The following NCOR2 variants were observed in gnomAD, a reference collection of about 807,000 sequenced individuals.
NCOR2 encodes nuclear receptor corepressor 2.
Under a neutral mutation model 262.9 loss-of-function variants are expected in NCOR2, and 81 were observed. That is an observed-to-expected ratio of 0.31 (90% CI 0.26 to 0.37). NCOR2 has a LOEUF of 0.37. Among genes scored for constraint, NCOR2 ranks in the 10% least tolerant of loss-of-function variants. NCOR2 has a pLI of 1.00. For missense variants in NCOR2, 3,385 were observed against 3,621.4 expected, an observed-to-expected ratio of 0.93 and a Z score of 1.68; for synonymous variants, 1,659 against 1,559.3, an observed-to-expected ratio of 1.06 and a Z score of -1.51.
intron 1 of NCOR2, among the ~76,000 whole-genome samples, chr12:124,533,179 T>C (rs1395502885): frequency 6.6e-6 from 1 of 150,998 alleles, no homozygotes; most frequent in Admixed American, 6.6e-5. Context: ...AGGAAGCAGA[T>C]GACCTGCAGG....
chr12:124,384,055 G>A (rs950790186), intron 17 of NCOR2, among the ~76,000 whole-genome samples: 3 of 152,172 alleles, frequency 2.0e-5, no homozygotes, highest in Non-Finnish European at 4.4e-5. Flanking sequence ...GGGGGGAGGA[G>A]AGAGAAAGTG....
In NCOR2 at chr12:124,566,311, C is replaced by T. The variant is rs1036182393; in HGVS notation, c.-165+997G>A. ...ACCCTCGGAGAGCCGGAGCGCGCGA[C>T]AGGCGGCGGGAGGACACTCGCTTCC... On this transcript the variant is annotated intron_variant, in intron 1 of 32. Coordinates refer to the NCOR2 transcript ENST00000458234. This position sits in a 1 kb window ranked among gnomAD's most constrained non-coding sequence, Gnocchi z 4.3. Among the ~76,000 whole-genome samples the T allele has an allele frequency of 6.6e-6, 1 of 152,218 alleles. No individual in the cohort carries two copies. Among genetic ancestry groups the T allele is most frequent in the Non-Finnish European group, 1.5e-5 (1 of 68,042 alleles).
exon 12 of NCOR2, chr12:124,422,537 C>T (rs200624614): frequency 9.4e-5 from 151 of 1,613,920 alleles, no homozygotes; most frequent in Non-Finnish European, 1.3e-4. Flanking sequence ...GGCCAAAGTT[C>T]TTGGGATGCT....
Position 124,515,241 on chromosome 12 carries a change from G to A in NCOR2, c.-117-19873C>T, listed in dbSNP as rs539367725. ...ACATTAGCTGGGCTTGATGGCATGC[G>A]CCTGTAGTCCCAGCAACTTGGGAGG... is the stretch of plus-strand genomic sequence containing the variant. On this transcript the variant is annotated intron_variant, in intron 1 of 46. Transcript: ENST00000404621. Among the ~76,000 whole-genome samples the A allele has an allele frequency of 5.3e-5, 8 of 152,266 alleles. No homozygotes were observed. In the East Asian group the frequency reaches 1.2e-3, roughly 22 times the overall value.
intron 28 of NCOR2, among the ~76,000 whole-genome samples, chr12:124,349,252 T>C (rs2037220420): frequency 6.6e-6 from 1 of 152,160 alleles, no homozygotes; most frequent in African/African-American, 2.4e-5. Flanking sequence ...TTTGCCCATC[T>C]AGCCAGGGCT....
rs146703651 is a variant in NCOR2 at position 124,520,851 on chromosome 12, C to T, written c.-118+14714G>A. ...TGCCGACAGGCCGCTTCCTGGAGCC[C>T]GTCTGCTGAGCAGAGCTTTGACGGT... is the stretch of plus-strand genomic sequence containing the variant. On this transcript the variant is annotated intron_variant, in intron 1 of 46. Coordinates refer to the NCOR2 transcript ENST00000404621. 6.6e-3 allele frequency among the ~76,000 whole-genome samples: 1,002 copies of T among 152,314 alleles called. 1 individual carries two copies. The highest frequency in any genetic ancestry group is 0.011 in the Admixed American group (166 of 15,294).
intron 45 of NCOR2, among the ~76,000 whole-genome samples, chr12:124,326,816 G>C (rs2034695262): frequency 6.6e-6 from 1 of 152,072 alleles, no homozygotes; most frequent in African/African-American, 2.4e-5. Context: ...GAAGCTTCTT[G>C]GGGCCTCAGT....
chr12:124,333,415 C>A, intron 41 of NCOR2, 136 bp from the exon 44 acceptor site: 2 of 716,862 alleles, frequency 2.8e-6, no homozygotes, highest in Non-Finnish European at 4.0e-6. Context: ...GCATTTTCGA[C>A]CACAAGTAAT....
intron 1 of NCOR2, among the ~76,000 whole-genome samples, chr12:124,492,658 G>C (rs538327954): frequency 6.6e-6 from 1 of 152,290 alleles, no homozygotes; most frequent in East Asian, 1.9e-4. Context: ...TCTGTGGCTT[G>C]ATGAGGAGCT....
At chr12:124,364,621 C>A (rs1164265913) in intron 20 of NCOR2, among the ~76,000 whole-genome samples, 3 of 152,206 alleles carry the variant, frequency 2.0e-5, no homozygotes, top group Non-Finnish European at 4.4e-5. Context: ...CCAAGCTGTT[C>A]GGTGGGTGCC....
At chr12:124,486,618 C>T (rs1470413609) in intron 1 of NCOR2, 50 bp from the exon 4 acceptor site, 17 of 1,524,902 alleles carry the variant, frequency 1.1e-5, no homozygotes, top group South Asian at 6.1e-5. Context: ...ACGGGCATGG[C>T]GGGGCACGGC....
At chr12:124,340,698 G>C (rs777261487) in exon 35 of NCOR2, 53 of 1,537,104 alleles carry the variant, frequency 3.4e-5, no homozygotes, top group Non-Finnish European at 4.5e-5. Context: ...GGGGTGCCTG[G>C]TGTCGGGGGC....
intron 20 of NCOR2, among the ~76,000 whole-genome samples, chr12:124,364,218 C>T (rs940584332): frequency 2.6e-5 from 4 of 152,228 alleles, no homozygotes; most frequent in African/African-American, 4.8e-5. Context: ...GTGGCCCTTC[C>T]GAAGCTGCCA....
intron 1 of NCOR2, among the ~76,000 whole-genome samples, chr12:124,518,700 C>T (rs767964435): frequency 2.6e-5 from 4 of 152,276 alleles, no homozygotes; most frequent in Non-Finnish European, 5.9e-5. Context: ...GGGCTTCCAG[C>T]CGACACTCGG....
At chr12:124,501,896 T>TAA (rs2048758504) in intron 1 of NCOR2, among the ~76,000 whole-genome samples, 1 of 152,216 alleles carries the variant, frequency 6.6e-6, no homozygotes, top group East Asian at 1.9e-4. Flanking sequence ...ACAAAACCAC[T>TAA]GCAGCCAGTC....
rs1479273120 is a variant in NCOR2, at chr12:124,503,353, G to A, written c.-117-7985C>T. On this transcript the variant is annotated intron_variant, in intron 1 of 46. Transcript: ENST00000404621. The surrounding 1 kb of genome is among the most constrained non-coding windows in gnomAD (Gnocchi z 4.3). ...GGGTGGCTGGATGGAGGGAGAAGAT[G>A]GAAGAGGGATAGAGATGGGAGGATG... 6.6e-6 allele frequency among the ~76,000 whole-genome samples: 1 copy of A among 152,190 alleles called. No homozygotes were observed. Among genetic ancestry groups the A allele is most frequent in the Non-Finnish European group, 1.5e-5 (1 of 68,030 alleles).
At position 124,503,090 on chromosome 12, in the gene NCOR2, G is replaced by C. The variant is rs1006054681; in HGVS notation, c.-117-7722C>G. Among the ~76,000 whole-genome samples, 1 of 152,214 alleles carries C rather than the reference G, an allele frequency of 6.6e-6. No individual in the cohort carries two copies. Among genetic ancestry groups the C allele is most frequent in the East Asian group, 1.9e-4 (1 of 5,200 alleles). ...CTCAATCCCGGGTGCCACCCACAAG[G>C]GTGCGGTCTGCCCTCCAGCTGAGAC... is the stretch of plus-strand genomic sequence containing the variant. On this transcript the variant is annotated intron_variant, in intron 1 of 46. Transcript: ENST00000404621. This position sits in a 1 kb window ranked among gnomAD's most constrained non-coding sequence, Gnocchi z 4.3.
chr12:124,357,816 G>A lies in NCOR2; in HGVS notation c.3101-1034C>T, dbSNP rs563669407. 4.5e-3 allele frequency among the ~76,000 whole-genome samples: 632 copies of A among 140,732 alleles called. 4 individuals carry two copies. The highest frequency in any genetic ancestry group is 0.016 in the African/African-American group (594 of 38,268). The allele number at this position is 140,732 out of a possible 152,430, so 92.3% of individuals were successfully genotyped here. On this transcript the variant is annotated intron_variant, in intron 22 of 46. Transcript: ENST00000405201. ...GATGTGTGTGTGTGTGTGCGCGCAC[G>A]CGCGTGCACGTGTATGTGCATGTGT...
At chr12:124,450,043 G>C (rs1396275203) in intron 6 of NCOR2, among the ~76,000 whole-genome samples, 176 bp from the exon 9 acceptor site, 1 of 152,216 alleles carries the variant, frequency 6.6e-6, no homozygotes. Flanking sequence ...GCCAGGAACA[G>C]GCTGAAACTG....
Sources: allele counts gnomAD v4.1 joint callset (sites outside exome capture counted in the v4.1 genomes callset), GRCh38; gene constraint gnomAD v4.1.1; non-coding constraint Gnocchi (gnomAD v3.1); transcripts MANE v1.5; gene names NCBI Gene and HGNC (gene_info 2026-07-23, HGNC 2026-07-21).